RNF213: variants seen among roughly 807,000 people sequenced by gnomAD.
RNF213 encodes the protein E3 ubiquitin-protein ligase RNF213.
A neutral mutation model predicts 514.4 loss-of-function variants in RNF213; 341 were observed. That is an observed-to-expected ratio of 0.66 (90% CI 0.61 to 0.73). The LOEUF is 0.73. Among genes scored for constraint, RNF213 ranks in the 30% least tolerant of loss-of-function variants. The pLI is 0.00. For synonymous variants in RNF213, 2,655 were observed against 2,658.2 expected (o/e 1.00, Z 0.04); for missense variants, 5,767 against 6,615.6 (o/e 0.87, Z 4.45).
In RNF213 at chr17:80,328,468, C is replaced by G. The variant is rs1223178512; in HGVS notation, c.3508C>G (p.Leu1170Val). Residue 1170 changes from leucine to valine, a missense_variant, in exon 20 of 68, where the codon CTG becomes GTG. By Grantham distance (32) the Leu-to-Val change is conservative. Transcript: ENST00000582970. ...LLKMCGNVKH[L>V]IQVDFGVLAV... The stretch of plus-strand genomic sequence containing the variant: ...GAAGATGTGTGGGAACGTGAAACAT[C>G]TGATACAAGGTGGTATTCCTGAGAA... 6.5e-7 allele frequency: 1 copy of G among 1,537,196 alleles called. No homozygotes were observed. Among genetic ancestry groups the G allele is most frequent in the Admixed American group, 2.0e-5 (1 of 50,992 alleles).
At chr17:80,318,724 C>G (rs992904391) in intron 16 of RNF213, among the ~76,000 whole-genome samples, 7 of 152,152 alleles carry the variant, frequency 4.6e-5, no homozygotes, top group Non-Finnish European at 8.8e-5. Context: ...CAGGCGCCCG[C>G]CACCGCGCCC....
In RNF213 at chr17:80,386,259, A is replaced by G. The variant is rs771217556; in HGVS notation, c.14549A>G (p.Asn4850Ser). ...ACCCTGTCGTTTAAAGGTGAGATCA[A>G]CCTACCCAAAGACTACTGCAGCACT... ...RRSLETNGEI[N>S]LPKDYCSTDL... The change falls in exon 62 of 68, where the codon AAC becomes AGC. Residue 4850 changes from asparagine (N) to serine (S), a missense_variant. Asn to Ser is a conservative substitution (Grantham distance 46, BLOSUM62 1). Around this residue, in one of 13 missense-constraint regions of RNF213, gnomAD observed 1,245 missense variants for 1,339.0 expected, o/e 0.93. Coordinates refer to ENST00000582970, the MANE Select transcript of RNF213 (RefSeq NM_001256071.3). 8 of 1,609,162 alleles carry G rather than the reference A, an allele frequency of 5.0e-6. No homozygotes were observed. In the East Asian group the frequency reaches 1.1e-4, roughly 22 times the overall value.
rs2078080742 is a variant in RNF213 at position 80,339,307 on chromosome 17, A to G, written c.4940A>G (p.Gln1647Arg). Residue 1647 changes from glutamine to arginine, a missense_variant, in exon 26 of 68, where the codon CAG becomes CGG. Physicochemically the swap from Gln to Arg is conservative, Grantham distance 43. Coordinates refer to ENST00000582970, the MANE Select transcript of RNF213 (RefSeq NM_001256071.3). Reference protein sequence around the residue: ...WIAMAYCSPKQGVSLQMDFGL... With the variant: ...WIAMAYCSPKRGVSLQMDFGL... ...GCCATGGCCTACTGCTCCCCCAAGC[A>G]GGGTGTGTCCCTCCAAATGGACTTT... 2 of 1,536,968 alleles carry G rather than the reference A, an allele frequency of 1.3e-6. No individual in the cohort carries two copies. Among genetic ancestry groups the G allele is most frequent in the African/African-American group, 2.7e-5 (2 of 73,164 alleles).
At chr17:80,279,060 T>A in intron 3 of RNF213, 1 of 975,042 alleles carries the variant, frequency 1.0e-6, no homozygotes, top group Non-Finnish European at 1.5e-6. Flanking sequence ...ACCCTTGGGC[T>A]GTGAAAGAGC....
chr17:80,348,151 C>G lies in RNF213; in HGVS notation c.9816C>G (p.Ala3272=), dbSNP rs150908874. 9 of 1,613,998 alleles carry G rather than the reference C, an allele frequency of 5.6e-6. No homozygotes were observed. Among genetic ancestry groups the G allele is most frequent in the Non-Finnish European group, 7.6e-6 (9 of 1,180,066 alleles). The change falls in exon 29 of 68, where the codon GCC becomes GCG. Residue 3272 remains alanine, a synonymous_variant. Transcript: ENST00000582970. ...ATPDAVVRLS[A]YSLGGFAAEW... is the part of the protein sequence containing the mutation. ...CCGATGCCGTGGTCCGGCTGAGCGC[C>G]TACTCGCTGGGCGGGTTCGCAGCGG... is the stretch of plus-strand genomic sequence containing the variant.
In RNF213 at chr17:80,273,384, G is replaced by C; in HGVS notation, c.241G>C (p.Ala81Pro). 1 of 1,612,912 alleles carries C rather than the reference G, an allele frequency of 6.2e-7. No individual in the cohort carries two copies. The highest frequency in any genetic ancestry group is 8.5e-7 in the Non-Finnish European group (1 of 1,179,944). Residue 81 changes from alanine (A) to proline (P), a missense_variant, in exon 3 of 68, where the codon GCC (alanine) becomes CCC (proline). Physicochemically the swap from Ala to Pro is conservative, Grantham distance 27. Around this residue, in one of 13 missense-constraint regions of RNF213, gnomAD observed 509 missense variants for 496.7 expected, o/e 1.02. Coordinates refer to ENST00000582970, the MANE Select transcript of RNF213 (RefSeq NM_001256071.3). ...QENPEEPCSK[A>P]SWTVQESKKK... ...AAACCCCGAGGAGCCCTGTTCCAAA[G>C]CCTCCTGGACCGTCCAAGAAGTGAG...
At position 80,358,379 on chromosome 17, in the gene RNF213, C is replaced by T; in HGVS notation, c.10954C>T (p.Leu3652=). 2 of 1,614,162 alleles carry T rather than the reference C, an allele frequency of 1.2e-6. No homozygotes were observed. The highest frequency in any genetic ancestry group is 1.7e-6 in the Non-Finnish European group (2 of 1,180,002). ...FIDRDGNLEL[L]TRPDTPPWAR... ...CGACAGAGACGGCAACCTAGAGTTA[C>T]TGACCAGGCCAGATACTCCGCCCTG... is the stretch of plus-strand genomic sequence containing the variant. The change falls in exon 37 of 68, where the codon CTG becomes TTG. Residue 3652 remains leucine (L), a synonymous_variant. Transcript: ENST00000582970.
chr17:80,323,839 G>GGGA (rs905590161), intron 17 of RNF213, among the ~76,000 whole-genome samples: 3 of 148,682 alleles, frequency 2.0e-5, no homozygotes, highest in African/African-American at 7.5e-5. Context: ...TTTTTTGGGG[G>GGGA]GGGGTGCTAT....
intron 38 of RNF213, among the ~76,000 whole-genome samples, 165 bp from the exon 39 acceptor site, chr17:80,361,569 C>T (rs2079056045): frequency 6.6e-6 from 1 of 152,168 alleles, no homozygotes; most frequent in African/African-American, 2.4e-5. Flanking sequence ...TAGACAGTGA[C>T]TATTCCTTCA....
intron 49 of RNF213, among the ~76,000 whole-genome samples, chr17:80,373,680 G>C (rs1466507828): frequency 3.3e-5 from 5 of 152,116 alleles, no homozygotes; most frequent in Non-Finnish European, 4.4e-5. Context: ...GCAAGAACTA[G>C]GAATAGAAGA....
intron 14 of RNF213, among the ~76,000 whole-genome samples, chr17:80,312,226 G>A (rs1445502859): frequency 1.3e-5 from 2 of 152,224 alleles, no homozygotes; most frequent in Non-Finnish European, 2.9e-5. Context: ...CCCCTGACCT[G>A]TATGCTTCCT....
intron 17 of RNF213, chr17:80,319,547 A>G (rs1213124427): frequency 6.2e-7 from 1 of 1,611,126 alleles, no homozygotes; most frequent in African/African-American, 1.3e-5. Context: ...TGTGTTCCAT[A>G]TGGAATCACG....
chr17:80,312,386 G>C (rs907852111), intron 14 of RNF213, among the ~76,000 whole-genome samples: 1 of 152,134 alleles, frequency 6.6e-6, no homozygotes, highest in African/African-American at 2.4e-5. Context: ...ACGGAGGCGG[G>C]GGGAGAGCAT....
intron 11 of RNF213, 122 bp downstream of exon 11, chr17:80,298,640 C>T: frequency 9.7e-7 from 1 of 1,029,940 alleles, no homozygotes; most frequent in Non-Finnish European, 1.5e-6. Context: ...AGAACTAACA[C>T]ACGCTCTTTT....
intron 3 of RNF213, 66 bp downstream of exon 3, chr17:80,273,470 G>A: frequency 2.5e-6 from 4 of 1,597,298 alleles, no homozygotes; most frequent in Non-Finnish European, 3.4e-6. Context: ...TCACTGCACA[G>A]CTGCCCAGCT....
rs180829743 is a variant in RNF213 at position 80,393,680 on chromosome 17, T to G, written c.*182T>G. On this transcript the variant is annotated 3_prime_UTR_variant, in exon 68 of 68. Transcript: ENST00000582970. ...ACAGCTTTTTGAAAGCCGAGCTGTT[T>G]CTGAACCATGTACATACATGTTCTG... 2.9e-5 allele frequency: 18 copies of G among 614,416 alleles called. No homozygotes were observed. Among genetic ancestry groups the G allele is most frequent in the Middle Eastern group, 4.4e-4 (1 of 2,250 alleles). The allele number at this position is 614,416 out of a possible 1,614,324, so 38.1% of individuals were successfully genotyped here. A position where few individuals can be genotyped will look rare whatever the true frequency, so the allele number is the denominator to read the frequency against.
chr17:80,342,751 T>TA (rs2144098003), intron 26 of RNF213, among the ~76,000 whole-genome samples: 1 of 146,220 alleles, frequency 6.8e-6, no homozygotes, highest in Non-Finnish European at 1.5e-5. Context: ...ATATTGTATG[T>TA]ATATATATAT....
At chr17:80,368,902 C>G (rs187775360) in intron 44 of RNF213, among the ~76,000 whole-genome samples, 13 of 152,320 alleles carry the variant, frequency 8.5e-5, no homozygotes, top group African/African-American at 1.9e-4. Context: ...CCCCTTCCCC[C>G]CTTCTCAGGC....
At chr17:80,328,208 G>A (rs759687678) in intron 19 of RNF213, 120 bp from the exon 20 acceptor site, 17 of 1,288,712 alleles carry the variant, frequency 1.3e-5, no homozygotes, top group African/African-American at 9.0e-5. Context: ...GTGGGTATGC[G>A]CAAAACCATC....
Sources: allele counts gnomAD v4.1 joint callset (sites outside exome capture counted in the v4.1 genomes callset), GRCh38; gene constraint gnomAD v4.1.1; regional missense constraint gnomAD v4.1.1; transcripts MANE v1.5; gene names NCBI Gene and HGNC (gene_info 2026-07-23, HGNC 2026-07-21).